PDS5A: variants seen among roughly 807,000 people sequenced by gnomAD.
PDS5A encodes the protein sister chromatid cohesion protein PDS5 homolog A.
PDS5A carries 42 observed loss-of-function variants against 167.1 expected under a neutral mutation model. The ratio of observed to expected loss-of-function variants is 0.25; its 90% CI spans 0.20 to 0.33. The LOEUF (loss-of-function observed/expected upper bound fraction) is 0.33. PDS5A is among the 10% of genes least tolerant of loss of function. The pLI is 1.00. For synonymous variants in PDS5A, 553 were observed against 554.6 expected (o/e 1.00, Z 0.04); for missense variants, 1,033 against 1,605.9 (o/e 0.64, Z 6.10).
At chr4:39,877,853 T>A (rs1195622703) in intron 18 of PDS5A, among the ~76,000 whole-genome samples, 2 of 152,118 alleles carry the variant, frequency 1.3e-5, no homozygotes, top group African/African-American at 4.8e-5. Flanking sequence ...GAGATCTTCC[T>A]GTCTTGGCTG....
chr4:39,841,584 C>T (rs1717024112), intron 31 of PDS5A, among the ~76,000 whole-genome samples: 1 of 150,810 alleles, frequency 6.6e-6, no homozygotes, highest in African/African-American at 2.4e-5. Context: ...GTTATCTCAG[C>T]TCACTGCAAC....
intron 2 of PDS5A, among the ~76,000 whole-genome samples, chr4:39,965,090 C>T (rs1277412084): frequency 6.6e-6 from 1 of 152,074 alleles, no homozygotes; most frequent in Non-Finnish European, 1.5e-5. Context: ...TCTTTTTTCT[C>T]CCCTTGAGTA....
At chr4:39,902,945 A>G (rs1224947826) in intron 12 of PDS5A, among the ~76,000 whole-genome samples, 1 of 152,224 alleles carries the variant, frequency 6.6e-6, no homozygotes, top group Non-Finnish European at 1.5e-5. Flanking sequence ...CTTTCAGTAC[A>G]GTTTAACTTT....
At chr4:39,876,188 T>G (rs1356195153) in intron 19 of PDS5A, among the ~76,000 whole-genome samples, 1 of 152,130 alleles carries the variant, frequency 6.6e-6, no homozygotes, top group Non-Finnish European at 1.5e-5. Context: ...TCAAAAACTA[T>G]CCTATTGTGT....
At chr4:39,966,765 A>C (rs368803162) in intron 2 of PDS5A, among the ~76,000 whole-genome samples, 21 of 152,250 alleles carry the variant, frequency 1.4e-4, no homozygotes, top group African/African-American at 4.8e-4. Flanking sequence ...TGGGAGGCCA[A>C]GCTGGGTGGA....
intron 17 of PDS5A, 74 bp downstream of exon 17, chr4:39,890,175 C>A (rs1237184802): frequency 1.3e-6 from 1 of 799,440 alleles, no homozygotes; most frequent in Non-Finnish European, 2.0e-6. Context: ...TCTTTAGGAG[C>A]CCAGAATTTA....
chr4:39,863,528 C>A (rs1560436447), intron 23 of PDS5A, 69 bp from the exon 24 acceptor site: 9 of 1,172,014 alleles, frequency 7.7e-6, no homozygotes, highest in Non-Finnish European at 1.1e-5. Flanking sequence ...GCTTTCGTCC[C>A]TTTTTGAATG....
intron 2 of PDS5A, among the ~76,000 whole-genome samples, chr4:39,963,785 G>A (rs996757639): frequency 4.0e-5 from 6 of 151,252 alleles, no homozygotes; most frequent in Non-Finnish European, 7.4e-5. Context: ...GCAGTGAGCC[G>A]TGATCACACC....
intron 21 of PDS5A, among the ~76,000 whole-genome samples, chr4:39,870,697 A>T (rs953133981): frequency 1.1e-4 from 17 of 152,214 alleles, no homozygotes; most frequent in African/African-American, 4.1e-4. Context: ...CACAAAAAAT[A>T]TCCTTGACAT....
intron 2 of PDS5A, among the ~76,000 whole-genome samples, chr4:39,951,498 GCTGATAACAA>G (rs1188149053): frequency 4.0e-5 from 6 of 151,588 alleles, no homozygotes; most frequent in Non-Finnish European, 7.4e-5. Context: ...AAAATCTTGT[GCTGATAACAA>G]CTGATAACAT....
rs184021231 is a variant in PDS5A at position 39,894,943 on chromosome 4, G to A, written c.1770+3446C>T. On this transcript the variant is annotated intron_variant, in intron 16 of 32. Transcript: ENST00000303538. The stretch of plus-strand genomic sequence containing the variant: ...GGAGACAGATTTTGAGAAATGTGTT[G>A]TTGGCCAGGCACGGTGGCTCACACC... Among the ~76,000 whole-genome samples the A allele has an allele frequency of 1.1e-3, 167 of 152,026 alleles. 5 individuals are homozygous for A. The highest frequency in any genetic ancestry group is 0.01 in the Admixed American group (160 of 15,244).
intron 18 of PDS5A, among the ~76,000 whole-genome samples, chr4:39,879,261 C>T (rs998270705): frequency 2.0e-5 from 3 of 152,118 alleles, no homozygotes; most frequent in Non-Finnish European, 4.4e-5. Flanking sequence ...ACCTTTCTTA[C>T]CCAGTGGCAC....
At chr4:39,842,640 G>A (rs912387266) in intron 30 of PDS5A, among the ~76,000 whole-genome samples, 1 of 151,860 alleles carries the variant, frequency 6.6e-6, no homozygotes, top group African/African-American at 2.4e-5. Context: ...GTTCCTAAGA[G>A]TAGGGTCAGA....
intron 17 of PDS5A, among the ~76,000 whole-genome samples, chr4:39,883,711 C>G (rs993554053): frequency 6.6e-6 from 1 of 152,130 alleles, no homozygotes; most frequent in Non-Finnish European, 1.5e-5. Context: ...TCTCAGCTCA[C>G]TGCAATCTCT....
chr4:39,927,570 T>C (rs1725580812), intron 3 of PDS5A, among the ~76,000 whole-genome samples: 1 of 152,170 alleles, frequency 6.6e-6, no homozygotes, highest in African/African-American at 2.4e-5. Flanking sequence ...AGCATATAGT[T>C]TTGCATGCTG....
At chr4:39,921,587 A>G (rs967399564) in intron 6 of PDS5A, among the ~76,000 whole-genome samples, 20 of 148,700 alleles carry the variant, frequency 1.3e-4, no homozygotes, top group African/African-American at 3.7e-4. Context: ...AAAACTTAAA[A>G]AAAAAAAAAA....
At chr4:39,898,324 C>A in intron 16 of PDS5A, 65 bp downstream of exon 16, 1 of 1,459,638 alleles carries the variant, frequency 6.9e-7, no homozygotes, top group Non-Finnish European at 9.1e-7. Context: ...GTAAAACAGG[C>A]TTTAATAAAA....
At chr4:39,948,210 C>CAAA (rs35177594) in intron 2 of PDS5A, among the ~76,000 whole-genome samples, 34 of 96,276 alleles carry the variant, frequency 3.5e-4, no homozygotes, top group South Asian at 9.6e-4. Context: ...TATCCCGTCT[C>CAAA]AAAAAAAAAA....
At chr4:39,908,735 C>T in intron 10 of PDS5A, 195 bp from the exon 11 acceptor site, 1 of 547,806 alleles carries the variant, frequency 1.8e-6, no homozygotes, top group South Asian at 2.3e-5. Context: ...CTTTAAACTC[C>T]CAAGTTGGCC....
Sources: allele counts gnomAD v4.1 joint callset (sites outside exome capture counted in the v4.1 genomes callset), GRCh38; gene constraint gnomAD v4.1.1; transcripts MANE v1.5; gene names NCBI Gene and HGNC (gene_info 2026-07-23, HGNC 2026-07-21).